Variants in SPINT2 observed in about 807,000 individuals in gnomAD.
SPINT2 encodes the protein kunitz-type protease inhibitor 2.
SPINT2 carries 18 observed loss-of-function variants against 30.1 expected under a neutral mutation model. The observed-to-expected ratio is 0.60, with a 90% confidence interval of 0.41 to 0.89. The LOEUF (loss-of-function observed/expected upper bound fraction) is 0.89, where lower values mean the gene tolerates loss of function less well. Ranked by LOEUF, SPINT2 falls within the 40% of genes least tolerant of loss-of-function variation. The pLI, the probability that SPINT2 is intolerant of heterozygous loss-of-function variation, is 0.00. For synonymous variants in SPINT2, 139 were observed against 137.9 expected (o/e 1.01, Z -0.05); for missense variants, 276 against 334.3 (o/e 0.83, Z 1.36).
chr19:38,286,700 G>A (rs1968645545), intron 2 of SPINT2, among the ~76,000 whole-genome samples: 1 of 152,146 alleles, frequency 6.6e-6, no homozygotes, highest in Non-Finnish European at 1.5e-5. Context: ...GGAGAATGGT[G>A]TGAACCCGGG....
intron 1 of SPINT2, 124 bp from the exon 2 acceptor site, chr19:38,283,503 T>C: frequency 8.1e-7 from 1 of 1,236,140 alleles, no homozygotes; most frequent in Non-Finnish European, 1.2e-6. Flanking sequence ...GGGAAACAGC[T>C]CACAGGGGAA....
At chr19:38,283,141 A>G in intron 1 of SPINT2, among the ~76,000 whole-genome samples, 1 of 151,710 alleles carries the variant, frequency 6.6e-6, no homozygotes, top group Non-Finnish European at 1.5e-5. Context: ...GTGAAACTCC[A>G]TCTGTACTAA....
intron 1 of SPINT2, among the ~76,000 whole-genome samples, chr19:38,276,519 G>T (rs562645513): frequency 1.3e-5 from 2 of 152,102 alleles, no homozygotes; most frequent in African/African-American, 4.8e-5. Context: ...GCGGGCGCCT[G>T]TAGTCCCAGC....
At chr19:38,287,801 A>G (rs1600349573) in intron 2 of SPINT2, 75 bp from the exon 3 acceptor site, 2 of 1,525,780 alleles carry the variant, frequency 1.3e-6, no homozygotes, top group East Asian at 2.2e-5. Context: ...AGAGGCGCAC[A>G]GGGCCAGCTC....
intron 1 of SPINT2, among the ~76,000 whole-genome samples, chr19:38,278,180 T>C (rs1968541320): frequency 6.6e-6 from 1 of 152,240 alleles, no homozygotes; most frequent in Non-Finnish European, 1.5e-5. Context: ...TGAGTGTGAC[T>C]GAAAACAGAG....
At chr19:38,277,496 GTACTA>G (rs1968534397) in intron 1 of SPINT2, among the ~76,000 whole-genome samples, 1 of 152,134 alleles carries the variant, frequency 6.6e-6, no homozygotes, top group African/African-American at 2.4e-5. Context: ...CACTGGCCCA[GTACTA>G]TCTTGCTAAG....
chr19:38,264,859 G>T lies in SPINT2; in HGVS notation c.-34G>T, dbSNP rs755902676. The T allele has an allele frequency of 2.0e-6, 3 of 1,529,668 alleles. No individual in the cohort carries two copies. Among genetic ancestry groups the T allele is most frequent in the Non-Finnish European group, 2.6e-6 (3 of 1,143,046 alleles). 94.8% of individuals were successfully genotyped at this position (1,529,668 alleles called of 1,614,324 possible). A position where few individuals can be genotyped will look rare whatever the true frequency, so the allele number is the denominator to read the frequency against. On this transcript the variant is annotated 5_prime_UTR_variant, in exon 1 of 7. Coordinates refer to ENST00000301244, the MANE Select transcript of SPINT2 (RefSeq NM_021102.4). Reference sequence around the variant, plus strand: ...CCTGATCGCGAGACCCCAACGGCTGGTGGCGTCGCCTGCGCGTCTCGGCTG... The same window carrying T: ...CCTGATCGCGAGACCCCAACGGCTGTTGGCGTCGCCTGCGCGTCTCGGCTG...
At chr19:38,280,633 T>C (rs897272376) in intron 1 of SPINT2, among the ~76,000 whole-genome samples, 1 of 152,076 alleles carries the variant, frequency 6.6e-6, no homozygotes, top group Non-Finnish European at 1.5e-5. Flanking sequence ...CATCCCTCAA[T>C]AGGCATTTTT....
chr19:38,283,491 T>C (rs1463966113), intron 1 of SPINT2, 136 bp from the exon 2 acceptor site: 1 of 1,094,922 alleles, frequency 9.1e-7, no homozygotes, highest in African/African-American at 1.5e-5. Context: ...CGATCTGGGC[T>C]TGGGAAACAG....
At chr19:38,287,467 G>T (rs980727516) in intron 2 of SPINT2, among the ~76,000 whole-genome samples, 2 of 152,162 alleles carry the variant, frequency 1.3e-5, no homozygotes, top group African/African-American at 4.8e-5. Flanking sequence ...AAAGTGCTGG[G>T]ATTACAGGCG....
At chr19:38,265,855 G>A (rs975368339) in intron 1 of SPINT2, among the ~76,000 whole-genome samples, 9 of 152,254 alleles carry the variant, frequency 5.9e-5, no homozygotes, top group African/African-American at 2.2e-4. Context: ...ACTCAGACTA[G>A]CTGGGTTCCT....
chr19:38,290,361 C>T lies in SPINT2; in HGVS notation c.553+81C>T, dbSNP rs1420003554. The T allele has an allele frequency of 2.5e-6, 4 of 1,580,320 alleles. No homozygotes were observed. The highest frequency in any genetic ancestry group is 3.4e-6 in the Non-Finnish European group (4 of 1,163,596). ...CTCCCCATCCCTAAAATATGAAGGC[C>T]TTGGAAATGCTGTTCTTGGGCCCAC... On this transcript the variant is annotated intron_variant, in intron 5 of 6. Coordinates refer to ENST00000301244, the MANE Select transcript of SPINT2 (RefSeq NM_021102.4). The surrounding 1 kb of genome is among the most constrained non-coding windows in gnomAD (Gnocchi z 4.3).
At chr19:38,276,641 C>CA (rs943441212) in intron 1 of SPINT2, among the ~76,000 whole-genome samples, 10 of 151,130 alleles carry the variant, frequency 6.6e-5, no homozygotes, top group Non-Finnish European at 1.0e-4. Context: ...GACTCCATCT[C>CA]AAAAAAACAA....
chr19:38,274,035 A>C (rs536980881), intron 1 of SPINT2, among the ~76,000 whole-genome samples: 1 of 152,074 alleles, frequency 6.6e-6, no homozygotes, highest in African/African-American at 2.4e-5. Flanking sequence ...CTTCAATACT[A>C]GTCTGGGCAA....
rs752785181 is a variant in SPINT2 at position 38,290,978 on chromosome 19, G to A, written c.592+403G>A. Reference sequence around the variant, plus strand: ...TTTCCCAACACAGTCTGGTCTGAGCGGGAGGCCAGGCCTCTGGCCTGTGTT... The same window carrying A: ...TTTCCCAACACAGTCTGGTCTGAGCAGGAGGCCAGGCCTCTGGCCTGTGTT... On this transcript the variant is annotated intron_variant, in intron 6 of 6. Coordinates refer to ENST00000301244, the MANE Select transcript of SPINT2 (RefSeq NM_021102.4). The surrounding 1 kb of genome is among the most constrained non-coding windows in gnomAD (Gnocchi z 4.3). The A allele has an allele frequency of 1.7e-4, 55 of 316,462 alleles. No individual in the cohort carries two copies. Among genetic ancestry groups the A allele is most frequent in the Non-Finnish European group, 2.8e-4 (46 of 163,328 alleles). 19.6% of individuals were successfully genotyped at this position (316,462 alleles called of 1,614,324 possible). A position where few individuals can be genotyped will look rare whatever the true frequency, so the allele number is the denominator to read the frequency against.
chr19:38,279,899 C>T (rs1238863664), intron 1 of SPINT2, among the ~76,000 whole-genome samples: 1 of 152,178 alleles, frequency 6.6e-6, no homozygotes, highest in Admixed American at 6.5e-5. Context: ...GGTGATCCGC[C>T]CACCTCACCC....
Position 38,264,780 on chromosome 19 carries a change from G to A in SPINT2, c.-113G>A. 3 of 1,163,612 alleles carry A rather than the reference G, an allele frequency of 2.6e-6. No individual in the cohort carries two copies. Among genetic ancestry groups the A allele is most frequent in the Non-Finnish European group, 3.6e-6 (3 of 822,692 alleles). 72.1% of individuals were successfully genotyped at this position (1,163,612 alleles called of 1,614,324 possible). A position where few individuals can be genotyped will look rare whatever the true frequency, so the allele number is the denominator to read the frequency against. On this transcript the variant is annotated 5_prime_UTR_variant, in exon 1 of 7. Transcript: ENST00000301244. ...ACCTGGCGGACCCTCCCGGAGCGTC[G>A]GCACCTGAACGCGAGGCGCTCCATT... is the stretch of plus-strand genomic sequence containing the variant.
At chr19:38,282,951 G>A (rs903232343) in intron 1 of SPINT2, among the ~76,000 whole-genome samples, 6 of 151,990 alleles carry the variant, frequency 3.9e-5, no homozygotes, top group African/African-American at 1.4e-4. Flanking sequence ...GCTCCCCTTG[G>A]CCCTGTGGGA....
chr19:38,268,279 G>T (rs552568469), intron 1 of SPINT2, among the ~76,000 whole-genome samples: 4 of 152,168 alleles, frequency 2.6e-5, no homozygotes, highest in South Asian at 2.1e-4. Flanking sequence ...AGACAGAGGT[G>T]GGGGGAAAGC....
Sources: gnomAD v4.1 joint callset for allele counts (sites outside exome capture counted in the v4.1 genomes callset) on GRCh38, gnomAD v4.1.1 for gene constraint, Gnocchi (gnomAD v3.1) non-coding constraint, MANE v1.5 for transcripts, NCBI Gene and HGNC (gene_info 2026-07-23, HGNC 2026-07-21) for gene names.